The following CPA6 variants were observed in gnomAD, a reference collection of about 807,000 sequenced individuals.
CPA6 encodes the protein carboxypeptidase B.
CPA6 carries 58 observed loss-of-function variants against 63.3 expected under a neutral mutation model. That is an observed-to-expected ratio of 0.92 (90% CI 0.74 to 1.14). The LOEUF is 1.14. Among genes scored for constraint, CPA6 ranks in the 50% most tolerant of loss-of-function variants. CPA6 has a pLI of 0.00. For missense variants in CPA6, 565 were observed against 526.6 expected (o/e 1.07, Z -0.71); for synonymous variants, 185 against 179.0 (o/e 1.03, Z -0.27).
At chr8:67,553,310 A>T (rs546446048) in intron 2 of CPA6, among the ~76,000 whole-genome samples, 18 of 152,356 alleles carry the variant, frequency 1.2e-4, no homozygotes, top group Non-Finnish European at 2.2e-4. Context: ...AAGCACCATG[A>T]TAACTGCTGG....
chr8:67,644,181 CCATTTCGGCTCACTG>C (rs1815660636), intron 1 of CPA6, among the ~76,000 whole-genome samples: 3 of 151,590 alleles, frequency 2.0e-5, no homozygotes, highest in African/African-American at 7.3e-5. Context: ...TGCAGTGGCG[CCATTTCGGCTCACTG>C]CAAGCTCCGC....
chr8:67,552,500 A>C (rs575536300), intron 2 of CPA6, among the ~76,000 whole-genome samples: 1 of 152,186 alleles, frequency 6.6e-6, no homozygotes, highest in Non-Finnish European at 1.5e-5. Context: ...ATGGCCGGGC[A>C]CGGTGGCTCA....
chr8:67,636,749 T>TA (rs970312756), intron 1 of CPA6, among the ~76,000 whole-genome samples: 1 of 151,434 alleles, frequency 6.6e-6, no homozygotes, highest in Non-Finnish European at 1.5e-5. Flanking sequence ...TTCACTTACT[T>TA]AAAAAAAATG....
intron 2 of CPA6, among the ~76,000 whole-genome samples, chr8:67,534,570 A>C (rs146967513): frequency 6.6e-6 from 1 of 152,168 alleles, no homozygotes; most frequent in African/African-American, 2.4e-5. Flanking sequence ...ATAGATGCAC[A>C]TTGAAGGTTA....
chr8:67,685,247 T>C (rs1816686799), intron 1 of CPA6, among the ~76,000 whole-genome samples: 1 of 152,218 alleles, frequency 6.6e-6, no homozygotes, highest in African/African-American at 2.4e-5. Flanking sequence ...CTCTATCTTC[T>C]GAGATTCTCA....
intron 10 of CPA6, among the ~76,000 whole-genome samples, chr8:67,422,902 T>A (rs1809799516): frequency 6.6e-6 from 1 of 152,218 alleles, no homozygotes; most frequent in Non-Finnish European, 1.5e-5. Flanking sequence ...AAGGATCCAG[T>A]CTACGTGTGA....
intron 2 of CPA6, among the ~76,000 whole-genome samples, chr8:67,617,961 T>C (rs1814996424): frequency 6.6e-6 from 1 of 152,244 alleles, no homozygotes; most frequent in African/African-American, 2.4e-5. Context: ...GTGAGTAGTC[T>C]GAGTGCCTCT....
chr8:67,454,679 T>C (rs960311399), intron 8 of CPA6, among the ~76,000 whole-genome samples: 1 of 152,206 alleles, frequency 6.6e-6, no homozygotes, highest in Non-Finnish European at 1.5e-5. Context: ...GCAGAACAAC[T>C]GCGGAATATA....
At chr8:67,710,117 A>AC (rs1817223849) in intron 1 of CPA6, among the ~76,000 whole-genome samples, 2 of 152,112 alleles carry the variant, frequency 1.3e-5, no homozygotes, top group Non-Finnish European at 2.9e-5. Context: ...GGTTTCAAAA[A>AC]AAAAAAAGAT....
chr8:67,699,763 A>G (rs1816984423), intron 1 of CPA6, among the ~76,000 whole-genome samples: 1 of 151,676 alleles, frequency 6.6e-6, no homozygotes, highest in African/African-American at 2.4e-5. Flanking sequence ...AATTTTTTGT[A>G]TTTTTAGTAG....
chr8:67,453,847 C>A (rs1810611964), intron 8 of CPA6, among the ~76,000 whole-genome samples: 1 of 152,214 alleles, frequency 6.6e-6, no homozygotes, highest in Non-Finnish European at 1.5e-5. Flanking sequence ...ATATTAGAGA[C>A]ATAATAAAAT....
At chr8:67,632,121 CT>C (rs1447132290) in intron 1 of CPA6, among the ~76,000 whole-genome samples, 7 of 150,820 alleles carry the variant, frequency 4.6e-5, no homozygotes, top group African/African-American at 1.7e-4. Flanking sequence ...TTTTTTTAAA[CT>C]TTTTGTAAAC....
intron 8 of CPA6, 23 bp from the exon 9 acceptor site, chr8:67,434,263 G>C (rs775929414): frequency 6.3e-7 from 1 of 1,593,812 alleles, no homozygotes; most frequent in Non-Finnish European, 8.6e-7. Context: ...AAAGAAAATG[G>C]GGTAAGGAAG....
Position 67,702,923 on chromosome 8 carries a change from T to G in CPA6, c.116+43091A>C, listed in dbSNP as rs563945019. Among the ~76,000 whole-genome samples, 3 of 152,256 alleles carry G rather than the reference T, an allele frequency of 2.0e-5. No homozygotes were observed. In the South Asian group the frequency reaches 6.2e-4, roughly 32 times the overall value. On this transcript the variant is annotated intron_variant, in intron 1 of 10. Coordinates refer to ENST00000297770, the MANE Select transcript of CPA6 (RefSeq NM_020361.5). ...CCTCTTCCAAGTGTACTTTACTTCC[T>G]TTCATTCCTGCTCTAAAACTTCTTA...
At chr8:67,713,099 G>GTGTGTA (rs1328463977) in intron 1 of CPA6, among the ~76,000 whole-genome samples, 19 of 55,030 alleles carry the variant, frequency 3.5e-4, no homozygotes, top group African/African-American at 1.0e-3. Flanking sequence ...GTGTGTGTGT[G>GTGTGTA]TATATATATA....
intron 6 of CPA6, among the ~76,000 whole-genome samples, chr8:67,489,474 T>G (rs1317811005): frequency 6.6e-6 from 1 of 151,212 alleles, no homozygotes; most frequent in Non-Finnish European, 1.5e-5. Context: ...AAATTTTACG[T>G]ATAAATGTTT....
intron 1 of CPA6, among the ~76,000 whole-genome samples, chr8:67,723,882 CAAAG>C (rs1817549660): frequency 6.6e-6 from 1 of 152,022 alleles, no homozygotes; most frequent in Admixed American, 6.6e-5. Flanking sequence ...CTAAATACCA[CAAAG>C]AAAGAAAAAC....
chr8:67,625,161 C>G (rs1281868028), intron 1 of CPA6, among the ~76,000 whole-genome samples: 1 of 152,002 alleles, frequency 6.6e-6, no homozygotes, highest in East Asian at 1.9e-4. Flanking sequence ...TGGTGAGTTT[C>G]TTTCAGTTCT....
At chr8:67,711,750 C>T (rs1817266862) in intron 1 of CPA6, among the ~76,000 whole-genome samples, 1 of 151,444 alleles carries the variant, frequency 6.6e-6, no homozygotes, top group African/African-American at 2.4e-5. Context: ...GCACCTTACA[C>T]CCCATATGAG....
Sources: gnomAD v4.1 joint callset for allele counts (sites outside exome capture counted in the v4.1 genomes callset) on GRCh38, gnomAD v4.1.1 for gene constraint, MANE v1.5 for transcripts, NCBI Gene and HGNC (gene_info 2026-07-23, HGNC 2026-07-21) for gene names.